MGST2: variants seen among roughly 807,000 people sequenced by gnomAD.
MGST2 encodes the protein microsomal glutathione S-transferase 2.
Under a neutral mutation model 16.6 loss-of-function variants are expected in MGST2, and 9 were observed. The ratio of observed to expected loss-of-function variants is 0.54; its 90% CI spans 0.33 to 0.95. The LOEUF (loss-of-function observed/expected upper bound fraction) is 0.95, where lower values mean the gene tolerates loss of function less well. MGST2 is among the 40% of genes least tolerant of loss of function. The probability of loss-of-function intolerance (pLI) is 0.03; values close to 1 mark genes in which losing one functional copy is unlikely to be tolerated. For synonymous variants in MGST2, 79 were observed against 68.0 expected, an observed-to-expected ratio of 1.16 and a Z score of -0.79; for missense variants, 159 against 175.1, an observed-to-expected ratio of 0.91 and a Z score of 0.52.
chr4:139,713,887 G>T (rs1420082903), intron 5 of MGST2, among the ~76,000 whole-genome samples: 4 of 152,202 alleles, frequency 2.6e-5, no homozygotes, highest in Non-Finnish European at 5.9e-5. Flanking sequence ...TAGCTACTGA[G>T]CTATAGCAAA....
At chr4:139,676,281 T>C (rs1259805001) in intron 1 of MGST2, among the ~76,000 whole-genome samples, 1 of 152,248 alleles carries the variant, frequency 6.6e-6, no homozygotes, top group Non-Finnish European at 1.5e-5. Flanking sequence ...TGTATGGCTC[T>C]ATCATGATTT....
At chr4:139,730,683 A>G (rs1399666918) in intron 5 of MGST2, 69 of 1,605,116 alleles carry the variant, frequency 4.3e-5, no homozygotes, top group Non-Finnish European at 5.8e-5. Context: ...AAGACAAGAG[A>G]GAGGGAGATG....
At chr4:139,719,467 G>C (rs377696242) in intron 5 of MGST2, 2 of 1,614,018 alleles carry the variant, frequency 1.2e-6, no homozygotes, top group Middle Eastern at 1.6e-4. Flanking sequence ...TGTATGACAC[G>C]TCCTGAGGGG....
At chr4:139,719,656 C>A (rs746053621) in intron 5 of MGST2, 11 of 1,612,704 alleles carry the variant, frequency 6.8e-6, no homozygotes, top group Non-Finnish European at 8.5e-6. Context: ...GCATCATCTG[C>A]CGACCCATGG....
intron 1 of MGST2, among the ~76,000 whole-genome samples, chr4:139,672,602 G>T (rs542755888): frequency 6.7e-6 from 1 of 149,692 alleles, no homozygotes; most frequent in Non-Finnish European, 1.5e-5. Context: ...TTGACTCGGA[G>T]TACAGTGGTG....
downstream of MGST2, among the ~76,000 whole-genome samples, chr4:139,707,172 G>A (rs1426773164): frequency 6.6e-6 from 1 of 151,970 alleles, no homozygotes; most frequent in Non-Finnish European, 1.5e-5. Flanking sequence ...TTTAGCATTA[G>A]GTATATCTCC....
chr4:139,700,455 TG>T (rs1473163853), intron 3 of MGST2, among the ~76,000 whole-genome samples: 2 of 152,310 alleles, frequency 1.3e-5, no homozygotes, highest in African/African-American at 4.8e-5. Context: ...TTAAGTTTTA[TG>T]CATACATTGT....
At chr4:139,716,761 G>A (rs533259624) in intron 5 of MGST2, 25 of 152,564 alleles carry the variant, frequency 1.6e-4, no homozygotes, top group African/African-American at 6.0e-4. Flanking sequence ...GATTGATTCA[G>A]ATAATCTTTT....
chr4:139,743,685 T>A (rs986615275), downstream of MGST2, among the ~76,000 whole-genome samples: 2 of 152,302 alleles, frequency 1.3e-5, no homozygotes, highest in Admixed American at 6.5e-5. Context: ...CAGTGTGAGA[T>A]TCCTTTCTTT....
chr4:139,673,076 C>T (rs983630386), intron 1 of MGST2, among the ~76,000 whole-genome samples: 4 of 152,084 alleles, frequency 2.6e-5, no homozygotes, highest in African/African-American at 9.7e-5. Context: ...AAACTATACA[C>T]TTGGTGTGGA....
intron 1 of MGST2, among the ~76,000 whole-genome samples, chr4:139,677,993 ATT>A (rs903218941): frequency 2.6e-5 from 4 of 152,034 alleles, no homozygotes; most frequent in Non-Finnish European, 5.9e-5. Context: ...TGGCTTAGTG[ATT>A]TTGGGGTCCT....
intron 5 of MGST2, among the ~76,000 whole-genome samples, chr4:139,714,459 C>T (rs1263536249): frequency 6.6e-6 from 1 of 152,194 alleles, no homozygotes; most frequent in African/African-American, 2.4e-5. Flanking sequence ...CCCTAGTGAT[C>T]TGGCTTGTGG....
At position 139,695,272 on chromosome 4, in the gene MGST2, T is replaced by C. The variant is rs371897751; in HGVS notation, c.229+5T>C. The C allele has an allele frequency of 1.9e-5, 31 of 1,601,248 alleles. No homozygotes were observed. The highest frequency in any genetic ancestry group is 2.6e-5 in the Non-Finnish European group (30 of 1,168,236). On this transcript the variant is annotated splice_donor_5th_base_variant and intron_variant, in intron 3 of 4. Coordinates refer to ENST00000265498, the MANE Select transcript of MGST2 (RefSeq NM_002413.5). The stretch of plus-strand genomic sequence containing the variant: ...CTGGGTGGTATTTCAACCAAGGTAA[T>C]GTTAAAATACAGTCAACTGTGTTCT...
chr4:139,678,945 CT>C lies in MGST2; in HGVS notation c.158+305del, dbSNP rs1731102051. 4 of 470,240 alleles carry C rather than the reference CT, an allele frequency of 8.5e-6. No homozygotes were observed. In the South Asian group the frequency reaches 1.0e-4, roughly 12 times the overall value. The allele number at this position is 470,240 out of a possible 1,614,324, so 29.1% of individuals were successfully genotyped here. On this transcript the variant is annotated intron_variant, in intron 2 of 4. Transcript: ENST00000265498. ...CTGGGTCAAAGAGGCCCCCTGGAGC[CT>C]TGTGAGACCACAATAGTCTGAAGTT... is the stretch of plus-strand genomic sequence containing the variant.
intron 5 of MGST2, among the ~76,000 whole-genome samples, chr4:139,710,276 C>T (rs1240599649): frequency 1.3e-5 from 2 of 152,228 alleles, no homozygotes; most frequent in Non-Finnish European, 2.9e-5. Context: ...ACGTCTTTCT[C>T]ACTGGGGGCA....
At chr4:139,714,878 C>G (rs1224663585) in intron 5 of MGST2, among the ~76,000 whole-genome samples, 1 of 152,080 alleles carries the variant, frequency 6.6e-6, no homozygotes, top group Non-Finnish European at 1.5e-5. Flanking sequence ...CTCAAATTTC[C>G]CTTGTTAGGG....
downstream of MGST2, among the ~76,000 whole-genome samples, chr4:139,742,516 T>C (rs1729203433): frequency 6.6e-6 from 1 of 152,222 alleles, no homozygotes; most frequent in African/African-American, 2.4e-5. Flanking sequence ...GCTTGGCTTA[T>C]AGTAGGCGCT....
At chr4:139,677,324 G>C (rs192798585) in intron 1 of MGST2, among the ~76,000 whole-genome samples, 96 of 152,266 alleles carry the variant, frequency 6.3e-4, no homozygotes, top group African/African-American at 2.2e-3. Flanking sequence ...ACATTTCAGA[G>C]GGACATGAGA....
At chr4:139,714,701 TAGAAA>T (rs1727874343) in intron 5 of MGST2, among the ~76,000 whole-genome samples, 1 of 151,934 alleles carries the variant, frequency 6.6e-6, no homozygotes, top group South Asian at 2.1e-4. Flanking sequence ...CCCTGAGTAA[TAGAAA>T]AGAAAGAGAA....
Sources: allele counts gnomAD v4.1 joint callset (sites outside exome capture counted in the v4.1 genomes callset), GRCh38; gene constraint gnomAD v4.1.1; transcripts MANE v1.5; gene names NCBI Gene and HGNC (gene_info 2026-07-23, HGNC 2026-07-21).